PRELID2: variants seen among roughly 807,000 people sequenced by gnomAD.
PRELID2 encodes the protein PRELI domain-containing protein 2.
Under a neutral mutation model 28.4 loss-of-function variants are expected in PRELID2, and 25 were observed. The observed-to-expected ratio is 0.88, with a 90% CI of 0.64 to 1.23. The LOEUF is 1.23. PRELID2 is among the 50% of genes most tolerant of loss of function. The probability of loss-of-function intolerance (pLI) is 0.00; values close to 1 mark genes in which losing one functional copy is unlikely to be tolerated. For missense variants in PRELID2, 201 were observed against 214.4 expected, an observed-to-expected ratio of 0.94 and a Z score of 0.39; for synonymous variants, 76 against 71.6, an observed-to-expected ratio of 1.06 and a Z score of -0.31.
chr5:145,299,830 A>G, the PRELID2 span, among the ~76,000 whole-genome samples: 1 of 152,180 alleles, frequency 6.6e-6, no homozygotes, highest in East Asian at 1.9e-4. Context: ...ACTAACTGGA[A>G]TCCTTCTATA....
chr5:145,819,342 T>C (rs1336390730), intron 3 of PRELID2: 2 of 1,464,156 alleles, frequency 1.4e-6, no homozygotes, highest in South Asian at 1.1e-5. Flanking sequence ...AAAATCCCTC[T>C]ATGGGTCAAG....
intron 1 of PRELID2, among the ~76,000 whole-genome samples, chr5:145,634,205 GCTTCT>G (rs1480395104): frequency 6.6e-6 from 1 of 152,098 alleles, no homozygotes; most frequent in Non-Finnish European, 1.5e-5. Context: ...TTCTGGTCTT[GCTTCT>G]TGCAATCCCT....
At position 145,835,302 on chromosome 5, in the gene PRELID2, G is replaced by C. The variant is rs1755872804; in HGVS notation, c.-51C>G. 1.5e-6 allele frequency: 2 copies of C among 1,323,958 alleles called. No individual in the cohort carries two copies. The highest frequency in any genetic ancestry group is 1.5e-5 in the African/African-American group (1 of 68,070). The allele number at this position is 1,323,958 out of a possible 1,614,324, so 82.0% of individuals were successfully genotyped here. ...CCGGCCACGCCTCCGCGAGCTCAGAGCTGCCCAGGGCTCCGCAGAGGCCCG... is the reference window on the plus strand; with the variant it reads ...CCGGCCACGCCTCCGCGAGCTCAGACCTGCCCAGGGCTCCGCAGAGGCCCG... On this transcript the variant is annotated 5_prime_UTR_variant, in exon 1 of 7. Transcript: ENST00000683046.
chr5:145,438,804 GA>G, the PRELID2 span, among the ~76,000 whole-genome samples: 1 of 152,054 alleles, frequency 6.6e-6, no homozygotes, highest in Non-Finnish European at 1.5e-5. Flanking sequence ...GAATTTGGAG[GA>G]AAATCTCTAG....
the PRELID2 span, among the ~76,000 whole-genome samples, chr5:145,383,381 CAT>C: frequency 2.0e-5 from 3 of 150,156 alleles, no homozygotes; most frequent in Non-Finnish European, 4.5e-5. Context: ...TACACACACA[CAT>C]ATGTGGATGT....
chr5:145,577,780 A>G (rs1262099545), intron 1 of PRELID2, among the ~76,000 whole-genome samples: 1 of 152,134 alleles, frequency 6.6e-6, no homozygotes, highest in Admixed American at 6.6e-5. Flanking sequence ...GTGGGTAACT[A>G]TATGTGATGT....
At chr5:145,611,006 A>G (rs1022221592) in intron 1 of PRELID2, among the ~76,000 whole-genome samples, 1 of 148,290 alleles carries the variant, frequency 6.7e-6, no homozygotes, top group Non-Finnish European at 1.5e-5. Flanking sequence ...AATATATAAT[A>G]AATAAATATT....
chr5:145,453,044 G>C, the PRELID2 span, among the ~76,000 whole-genome samples: 1 of 152,170 alleles, frequency 6.6e-6, no homozygotes, highest in Non-Finnish European at 1.5e-5. Context: ...AATAAGCTCT[G>C]TAGGTGTGAA....
chr5:145,742,105 TATATATAAATAAAA>T (rs1756825474), intron 1 of PRELID2, among the ~76,000 whole-genome samples: 1 of 128,848 alleles, frequency 7.8e-6, no homozygotes, highest in Non-Finnish European at 1.6e-5. Context: ...TACATATAAT[TATATATAAATAAAA>T]TTTATTAATT....
the PRELID2 span, among the ~76,000 whole-genome samples, chr5:145,375,688 C>A: frequency 2.0e-5 from 3 of 152,166 alleles, no homozygotes; most frequent in Admixed American, 2.0e-4. Context: ...AATGGAGTTC[C>A]TTCAGGGAAG....
chr5:145,579,365 C>T (rs971001336), intron 1 of PRELID2, among the ~76,000 whole-genome samples: 6 of 152,046 alleles, frequency 3.9e-5, no homozygotes, highest in Non-Finnish European at 7.4e-5. Flanking sequence ...AGCTAGTATT[C>T]GCAGATGCTA....
chr5:145,484,767 A>T (rs74385303), intron 1 of PRELID2, among the ~76,000 whole-genome samples: 4,250 of 152,308 alleles, frequency 0.028, 160 homozygotes, highest in African/African-American at 0.09. Flanking sequence ...TTTAGCCAAC[A>T]AGGAGTTCAC....
At position 145,649,290 on chromosome 5, in the gene PRELID2, G is replaced by A. The variant is rs531999054; in HGVS notation, n.70+115641C>T. On this transcript the variant is annotated intron_variant and non_coding_transcript_variant, in intron 1 of 2. Transcript: ENST00000510259. ...CCACAAATCTTGGTAGCCTTGCAGT[G>A]GAGGGGCGGGATCCGGAACCAATCC... 1.2e-4 allele frequency among the ~76,000 whole-genome samples: 18 copies of A among 152,284 alleles called. No individual in the cohort carries two copies. In the South Asian group the frequency reaches 2.5e-3, roughly 21 times the overall value.
At chr5:145,466,796 C>T in the PRELID2 span, among the ~76,000 whole-genome samples, 1 of 152,060 alleles carries the variant, frequency 6.6e-6, no homozygotes, top group African/African-American at 2.4e-5. Context: ...CAGGGCCGCC[C>T]AGGCCTTCTT....
At chr5:145,605,895 A>G (rs1753497147) in intron 1 of PRELID2, among the ~76,000 whole-genome samples, 1 of 152,096 alleles carries the variant, frequency 6.6e-6, no homozygotes, top group African/African-American at 2.4e-5. Flanking sequence ...CTTCCCATCC[A>G]TGAGTATGGA....
the PRELID2 span, among the ~76,000 whole-genome samples, chr5:145,267,241 T>C: frequency 6.6e-6 from 1 of 152,144 alleles, no homozygotes; most frequent in African/African-American, 2.4e-5. Context: ...CTTTATATCT[T>C]GGCCATGTTG....
intron 1 of PRELID2, among the ~76,000 whole-genome samples, chr5:145,560,041 T>A (rs2126691593): frequency 6.6e-6 from 1 of 152,286 alleles, no homozygotes; most frequent in Middle Eastern, 3.4e-3. Flanking sequence ...AACATTTACA[T>A]TAGTCTACAG....
intron 1 of PRELID2, among the ~76,000 whole-genome samples, chr5:145,640,323 A>G (rs927158652): frequency 8.6e-5 from 13 of 151,912 alleles, no homozygotes; most frequent in Non-Finnish European, 1.8e-4. Context: ...AAAAATACAA[A>G]AAATTAGCCG....
At chr5:145,650,623 T>C (rs978581567) in intron 1 of PRELID2, among the ~76,000 whole-genome samples, 1 of 140,980 alleles carries the variant, frequency 7.1e-6, no homozygotes, top group African/African-American at 2.8e-5. Flanking sequence ...TCAGTCATTT[T>C]CACACAATAT....
Sources: allele counts gnomAD v4.1 joint callset (sites outside exome capture counted in the v4.1 genomes callset), GRCh38; gene constraint gnomAD v4.1.1; transcripts MANE v1.5; gene names NCBI Gene and HGNC (gene_info 2026-07-23, HGNC 2026-07-21).